Variants in DNAH3 observed in about 807,000 individuals in gnomAD.
DNAH3 encodes axonemal beta dynein heavy chain 3.
In DNAH3, 332 loss-of-function variants were observed where a neutral mutation model predicts 432.5. The ratio of observed to expected loss-of-function variants is 0.77; its 90% CI spans 0.70 to 0.84. The LOEUF (loss-of-function observed/expected upper bound fraction) is 0.84. Among genes scored for constraint, DNAH3 ranks in the 40% least tolerant of loss-of-function variants. The pLI, the probability that DNAH3 is intolerant of heterozygous loss-of-function variation, is 0.00. For missense variants in DNAH3, 4,861 were observed against 5,114.0 expected (o/e 0.95, Z 1.51); for synonymous variants, 1,956 against 1,900.2 (o/e 1.03, Z -0.76).
At chr16:21,041,274 G>A (rs2089430210) in intron 32 of DNAH3, among the ~76,000 whole-genome samples, 1 of 152,160 alleles carries the variant, frequency 6.6e-6, no homozygotes, top group Non-Finnish European at 1.5e-5. Context: ...AGGAAGCTGA[G>A]GCAGGAGAAT....
chr16:21,153,797 CAGTG>C (rs2092880036), intron 1 of DNAH3, among the ~76,000 whole-genome samples: 1 of 152,194 alleles, frequency 6.6e-6, no homozygotes, highest in South Asian at 2.1e-4. Context: ...TTCTTGAAGT[CAGTG>C]AGACCAAGAA....
At chr16:21,114,945 A>G (rs1292748148) in intron 12 of DNAH3, among the ~76,000 whole-genome samples, 1 of 152,220 alleles carries the variant, frequency 6.6e-6, no homozygotes, top group Non-Finnish European at 1.5e-5. Flanking sequence ...ATGCACACGT[A>G]TGTTTATTGT....
intron 54 of DNAH3, among the ~76,000 whole-genome samples, chr16:20,958,000 G>A (rs1488237856): frequency 5.3e-5 from 8 of 151,324 alleles, no homozygotes; most frequent in Non-Finnish European, 8.8e-5. Flanking sequence ...TTAAAATTCC[G>A]AAGAACCCCA....
chr16:20,956,696 C>T (rs938652534), intron 54 of DNAH3, among the ~76,000 whole-genome samples: 7 of 152,026 alleles, frequency 4.6e-5, no homozygotes, highest in African/African-American at 2.4e-5. Flanking sequence ...TAAGGCACAA[C>T]GCTTTTAGGT....
At position 20,987,867 on chromosome 16, in the gene DNAH3, G is replaced by A; in HGVS notation, c.6726-18C>T. 1.2e-6 allele frequency: 2 copies of A among 1,614,058 alleles called. No homozygotes were observed. Among genetic ancestry groups the A allele is most frequent in the Non-Finnish European group, 1.7e-6 (2 of 1,179,952 alleles). ...TTCCGTACCTTGGGAGGAAAGGGAT[G>A]GCACAGTAGTCAAGGAGGGGCCAGA... On this transcript the variant is annotated intron_variant, in intron 45 of 61. Coordinates refer to ENST00000261383, the Ensembl canonical transcript of DNAH3.
chr16:20,959,063 T>C (rs1378842043), intron 54 of DNAH3, 116 bp downstream of exon 54: 1 of 1,073,706 alleles, frequency 9.3e-7, no homozygotes, highest in Non-Finnish European at 1.4e-6. Flanking sequence ...CCACCCTGCC[T>C]GGCCTAGACT....
chr16:21,024,504 G>C (rs330135), intron 39 of DNAH3, 92 bp downstream of exon 39: 406,496 of 864,072 alleles, frequency 0.47, 96,398 homozygotes, highest in South Asian at 0.52. Flanking sequence ...GTTGCCTCCA[G>C]GGACTATGAA....
At chr16:21,158,224 T>A (rs562382358) in intron 1 of DNAH3, among the ~76,000 whole-genome samples, 13 of 152,354 alleles carry the variant, frequency 8.5e-5, no homozygotes, top group African/African-American at 3.1e-4. Context: ...CATTCGCATT[T>A]GAGCAGTCAT....
In DNAH3 at chr16:21,051,708, GGGGGAGTT is replaced by G; in HGVS notation, c.4192_4199del (p.Asn1398ProfsTer48). ...CGGTGAGGGGTGTGATCACCAGCCG[GGGGGAGTT>G]TCCCAGGTACTCATAGCCATACAAG... On this transcript the variant is annotated frameshift_variant, in exon 29 of 62. Transcript: ENST00000261383. LOFTEE classifies it high-confidence loss of function. The G allele has an allele frequency of 6.2e-7, 1 of 1,613,654 alleles. No individual in the cohort carries two copies. The highest frequency in any genetic ancestry group is 8.5e-7 in the Non-Finnish European group (1 of 1,180,034).
chr16:21,115,010 A>G (rs1234897649), intron 12 of DNAH3, among the ~76,000 whole-genome samples: 1 of 152,252 alleles, frequency 6.6e-6, no homozygotes, highest in Non-Finnish European at 1.5e-5. Context: ...CATCAATGAT[A>G]GACTGGATTA....
At chr16:21,146,327 G>A (rs1020329714) in intron 1 of DNAH3, among the ~76,000 whole-genome samples, 1 of 152,160 alleles carries the variant, frequency 6.6e-6, no homozygotes, top group Admixed American at 6.5e-5. Flanking sequence ...AGGCCAGGGA[G>A]GGTGGATCAC....
At chr16:21,053,290 C>G (rs2090020173) in intron 28 of DNAH3, among the ~76,000 whole-genome samples, 1 of 152,126 alleles carries the variant, frequency 6.6e-6, no homozygotes, top group Non-Finnish European at 1.5e-5. Context: ...AATTCCCCTC[C>G]TGGCTCTTGG....
intron 57 of DNAH3, among the ~76,000 whole-genome samples, chr16:20,946,459 A>G (rs2084048207): frequency 6.6e-6 from 1 of 152,202 alleles, no homozygotes; most frequent in Non-Finnish European, 1.5e-5. Context: ...CCTGGGGCAC[A>G]TGCTCTCAGG....
At position 21,051,931 on chromosome 16, in the gene DNAH3, C is replaced by T. The variant is rs952648248; in HGVS notation, c.4040-63G>A. On this transcript the variant is annotated intron_variant, in intron 28 of 61. Transcript: ENST00000261383. ...CATCAGAACTCTCCATCTTTGTAAG[C>T]TCCTCAGTTACAAGTGGATGTTATC... The T allele has an allele frequency of 6.0e-5, 82 of 1,364,440 alleles. No individual in the cohort carries two copies. In the Middle Eastern group the frequency reaches 9.0e-4, roughly 15 times the overall value. 84.5% of individuals were successfully genotyped at this position (1,364,440 alleles called of 1,614,324 possible).
intron 1 of DNAH3, among the ~76,000 whole-genome samples, chr16:21,157,697 C>A (rs1271219194): frequency 6.6e-6 from 1 of 152,148 alleles, no homozygotes; most frequent in East Asian, 1.9e-4. Flanking sequence ...AGAGGTCGGT[C>A]AACACAGGTC....
intron 36 of DNAH3, among the ~76,000 whole-genome samples, chr16:21,031,645 C>T (rs2088880584): frequency 6.6e-6 from 1 of 152,100 alleles, no homozygotes; most frequent in East Asian, 1.9e-4. Context: ...ATAGGCAATG[C>T]CTTACATTAT....
intron 18 of DNAH3, among the ~76,000 whole-genome samples, chr16:21,092,294 C>T (rs916308353): frequency 3.3e-5 from 5 of 152,048 alleles, no homozygotes; most frequent in African/African-American, 1.2e-4. Flanking sequence ...GAATACATAA[C>T]CCATCCAAAA....
At chr16:21,139,661 T>C (rs1301004614) in intron 5 of DNAH3, among the ~76,000 whole-genome samples, 1 of 151,666 alleles carries the variant, frequency 6.6e-6, no homozygotes, top group African/African-American at 2.4e-5. Flanking sequence ...AGAGATTGGG[T>C]TTCTCCATGT....
chr16:21,036,236 G>C (rs918654279), intron 35 of DNAH3, among the ~76,000 whole-genome samples: 1 of 152,116 alleles, frequency 6.6e-6, no homozygotes, highest in African/African-American at 2.4e-5. Context: ...TGAGGCAGGA[G>C]AATCGCTGGA....
Sources: allele counts gnomAD v4.1 joint callset (sites outside exome capture counted in the v4.1 genomes callset), GRCh38; gene constraint gnomAD v4.1.1; transcripts MANE v1.5; gene names NCBI Gene and HGNC (gene_info 2026-07-23, HGNC 2026-07-21).